Variants in CBLN2 observed in about 807,000 individuals in gnomAD.
The protein encoded by CBLN2 is cerebellin-2.
In CBLN2, 7 loss-of-function variants were observed where a neutral mutation model predicts 15.0. That is an observed-to-expected ratio of 0.47 (90% CI 0.27 to 0.88). CBLN2 has a LOEUF of 0.88. Ranked by LOEUF, CBLN2 falls within the 40% of genes least tolerant of loss-of-function variation. CBLN2 has a pLI of 0.14. For synonymous variants in CBLN2, 149 were observed against 135.2 expected, an observed-to-expected ratio of 1.10 and a Z score of -0.71; for missense variants, 242 against 304.5, an observed-to-expected ratio of 0.79 and a Z score of 1.53.
intron 1 of CBLN2, among the ~76,000 whole-genome samples, chr18:72,626,331 A>G (rs941311838): frequency 2.0e-5 from 3 of 152,098 alleles, no homozygotes; most frequent in Admixed American, 2.0e-4. Context: ...GTATTAGTAG[A>G]ATTTCAAATA....
At chr18:72,625,884 C>T (rs1281677147) in intron 1 of CBLN2, among the ~76,000 whole-genome samples, 1 of 143,768 alleles carries the variant, frequency 7.0e-6, no homozygotes, top group Non-Finnish European at 1.5e-5. Flanking sequence ...AGACCAAATG[C>T]TGAAGATGTT....
chr18:72,621,167 AT>A (rs1260291098), intron 1 of CBLN2, among the ~76,000 whole-genome samples: 1 of 152,148 alleles, frequency 6.6e-6, no homozygotes, highest in Admixed American at 6.6e-5. Flanking sequence ...TAGCGTTATG[AT>A]TCATAATTCT....
intron 1 of CBLN2, among the ~76,000 whole-genome samples, chr18:72,567,709 C>T (rs1174487088): frequency 6.6e-6 from 1 of 152,152 alleles, no homozygotes; most frequent in African/African-American, 2.4e-5. Context: ...TCTTCTTTCT[C>T]CTGGATTACT....
At chr18:72,575,219 T>C (rs2069357382) in intron 1 of CBLN2, among the ~76,000 whole-genome samples, 1 of 152,156 alleles carries the variant, frequency 6.6e-6, no homozygotes, top group Non-Finnish European at 1.5e-5. Flanking sequence ...TCTGGCATTG[T>C]TGCTGATGGC....
At chr18:72,612,875 C>CA (rs2069631773) in intron 1 of CBLN2, among the ~76,000 whole-genome samples, 1 of 152,116 alleles carries the variant, frequency 6.6e-6, no homozygotes, top group African/African-American at 2.4e-5. Flanking sequence ...ACTGGGTGCC[C>CA]AAAAAACAGA....
intron 3 of CBLN2, 51 bp downstream of exon 3, chr18:72,541,753 C>G (rs748357590): frequency 6.8e-7 from 1 of 1,459,956 alleles, no homozygotes; most frequent in African/African-American, 1.4e-5. Flanking sequence ...GCGCGCAGGT[C>G]CCCGCCCCTC....
intron 1 of CBLN2, among the ~76,000 whole-genome samples, chr18:72,563,755 A>G (rs890748331): frequency 2.2e-4 from 34 of 152,324 alleles, no homozygotes; most frequent in Admixed American, 9.1e-4. Flanking sequence ...GCACATGAAC[A>G]GAGTCCAGCA....
At chr18:72,604,149 T>C (rs910129262) in intron 1 of CBLN2, among the ~76,000 whole-genome samples, 6 of 152,192 alleles carry the variant, frequency 3.9e-5, no homozygotes, top group Admixed American at 3.9e-4. Flanking sequence ...TGTGGTTCAG[T>C]GGTTCAAGGC....
intron 1 of CBLN2, among the ~76,000 whole-genome samples, chr18:72,550,970 T>G (rs976198752): frequency 1.2e-4 from 19 of 152,260 alleles, no homozygotes; most frequent in African/African-American, 4.1e-4. Flanking sequence ...TATTGTGTCC[T>G]GTATGCCGAT....
chr18:72,582,690 T>G (rs2069413983), intron 1 of CBLN2, among the ~76,000 whole-genome samples: 1 of 152,094 alleles, frequency 6.6e-6, no homozygotes, highest in Non-Finnish European at 1.5e-5. Context: ...CAGGACTGTT[T>G]AAGAGCAGGG....
chr18:72,581,523 A>C (rs984365517), intron 1 of CBLN2, among the ~76,000 whole-genome samples: 2 of 152,190 alleles, frequency 1.3e-5, no homozygotes, highest in Non-Finnish European at 2.9e-5. Context: ...AATCATTAGA[A>C]TATCCCACTT....
chr18:72,542,503 G>A (rs2069124050), intron 2 of CBLN2, among the ~76,000 whole-genome samples, 177 bp from the exon 3 acceptor site: 1 of 151,762 alleles, frequency 6.6e-6, no homozygotes, highest in African/African-American at 2.4e-5. Context: ...ACGCCCGGGC[G>A]CAGCTGGCAG....
intron 1 of CBLN2, among the ~76,000 whole-genome samples, chr18:72,634,081 T>A (rs1292754448): frequency 2.0e-5 from 3 of 152,122 alleles, no homozygotes; most frequent in Non-Finnish European, 4.4e-5. Context: ...TTTAAAACAA[T>A]AACCAATAAT....
At chr18:72,544,560 G>C (rs1393171732), upstream of CBLN2, 1 of 152,230 alleles carries the variant, frequency 6.6e-6, no homozygotes, top group Non-Finnish European at 1.5e-5. Flanking sequence ...TGGCCGCAAG[G>C]CTGAGGTTTG....
At chr18:72,591,890 A>G (rs2069482133) in intron 1 of CBLN2, among the ~76,000 whole-genome samples, 1 of 152,104 alleles carries the variant, frequency 6.6e-6, no homozygotes, top group Non-Finnish European at 1.5e-5. Flanking sequence ...TTCTTTATCC[A>G]TTTGTCTGCT....
chr18:72,597,829 G>C (rs971843392), intron 1 of CBLN2, among the ~76,000 whole-genome samples: 5 of 152,158 alleles, frequency 3.3e-5, no homozygotes, highest in Admixed American at 2.0e-4. Flanking sequence ...GAACTGCCCA[G>C]GCCCACAGCA....
At chr18:72,618,283 C>A (rs2069676506) in intron 1 of CBLN2, 1 of 410,758 alleles carries the variant, frequency 2.4e-6, no homozygotes, top group Non-Finnish European at 4.6e-6. Context: ...AAGTCAGAGT[C>A]TCCTAAAGAG....
chr18:72,603,285 G>A (rs1056011064), intron 1 of CBLN2, among the ~76,000 whole-genome samples: 1 of 152,176 alleles, frequency 6.6e-6, no homozygotes, highest in Non-Finnish European at 1.5e-5. Context: ...AATGGTATGG[G>A]ACTATTAGCA....
At chr18:72,546,730 C>T (rs1568251677), upstream of CBLN2, among the ~76,000 whole-genome samples, 1 of 152,110 alleles carries the variant, frequency 6.6e-6, no homozygotes, top group Non-Finnish European at 1.5e-5. Context: ...ATTTAACACC[C>T]ACAGCAACCC....
Sources: gnomAD v4.1 joint callset for allele counts (sites outside exome capture counted in the v4.1 genomes callset) on GRCh38, gnomAD v4.1.1 for gene constraint, MANE v1.5 for transcripts, NCBI Gene and HGNC (gene_info 2026-07-23, HGNC 2026-07-21) for gene names.